Variants in RNF182 observed in about 807,000 individuals in gnomAD.
RNF182 encodes the protein E3 ubiquitin-protein ligase RNF182.
RNF182 carries 15 observed loss-of-function variants against 14.4 expected under a neutral mutation model. That is an observed-to-expected ratio of 1.04 (90% CI 0.70 to 1.60). The LOEUF is 1.60. Among genes scored for constraint, RNF182 ranks in the 40% most tolerant of loss-of-function variants. The pLI, the probability that RNF182 is intolerant of heterozygous loss-of-function variation, is 0.00. For missense variants in RNF182, 268 were observed against 294.8 expected (o/e 0.91, Z 0.67); for synonymous variants, 128 against 122.9 (o/e 1.04, Z -0.27).
chr6:13,979,005 A>G lies in RNF182; in HGVS notation c.*1142A>G, dbSNP rs542571225. ...GTCTAGACAAAGGGGTGGGCAAGAG[A>G]CATGCAAAGCTGAAGCCCTGCTTGA... On this transcript the variant is annotated 3_prime_UTR_variant, in exon 3 of 3. Coordinates refer to ENST00000488300, the MANE Select transcript of RNF182 (RefSeq NM_152737.4). 1 of 167,084 alleles carries G rather than the reference A, an allele frequency of 6.0e-6. No homozygotes were observed. Among genetic ancestry groups the G allele is most frequent in the Non-Finnish European group, 1.5e-5 (1 of 68,132 alleles). 10.4% of individuals were successfully genotyped at this position (167,084 alleles called of 1,614,324 possible). A position where few individuals can be genotyped will look rare whatever the true frequency, so the allele number is the denominator to read the frequency against.
intron 1 of RNF182, among the ~76,000 whole-genome samples, chr6:13,947,065 T>TA (rs1172856260): frequency 6.6e-6 from 1 of 152,136 alleles, no homozygotes; most frequent in African/African-American, 2.4e-5. Flanking sequence ...TAAAATTAAA[T>TA]AAGAGCTTTC....
Position 13,936,364 on chromosome 6 carries a change from A to C in RNF182, c.-367+11341A>C, listed in dbSNP as rs956709283. 2.0e-5 allele frequency among the ~76,000 whole-genome samples: 3 copies of C among 152,376 alleles called. No homozygotes were observed. The East Asian group carries it at 5.8e-4, about 29-fold the overall frequency. On this transcript the variant is annotated intron_variant, in intron 1 of 2. Coordinates refer to ENST00000488300, the MANE Select transcript of RNF182 (RefSeq NM_152737.4). ...GAGCTTTATGTCAACAATTGGACAC[A>C]TAATTAGGAGAAGCTTAAAGCATTT...
At chr6:13,928,213 T>A (rs993137386) in intron 1 of RNF182, among the ~76,000 whole-genome samples, 1 of 152,238 alleles carries the variant, frequency 6.6e-6, no homozygotes, top group Non-Finnish European at 1.5e-5. Flanking sequence ...GTATTGTACA[T>A]AATTTAAGTG....
chr6:13,950,820 A>G (rs1228701431), intron 1 of RNF182, among the ~76,000 whole-genome samples: 1 of 151,554 alleles, frequency 6.6e-6, no homozygotes, highest in African/African-American at 2.4e-5. Context: ...TTTTTGAGAT[A>G]GAGTCTTGTT....
At chr6:13,976,276 A>G (rs1243445405) in intron 2 of RNF182, among the ~76,000 whole-genome samples, 1 of 152,204 alleles carries the variant, frequency 6.6e-6, no homozygotes, top group African/African-American at 2.4e-5. Context: ...ATGTATATGC[A>G]CAGCTGTGGT....
At chr6:13,966,298 G>A (rs556834796) in intron 1 of RNF182, among the ~76,000 whole-genome samples, 11 of 152,272 alleles carry the variant, frequency 7.2e-5, no homozygotes, top group Admixed American at 7.2e-4. Flanking sequence ...TGAGATACAG[G>A]AAGATGACAG....
chr6:13,955,065 T>C (rs1398783747), intron 1 of RNF182, among the ~76,000 whole-genome samples: 3 of 152,194 alleles, frequency 2.0e-5, no homozygotes, highest in Non-Finnish European at 4.4e-5. Context: ...CATTGATAAT[T>C]ATTGTGTAGG....
intron 1 of RNF182, among the ~76,000 whole-genome samples, chr6:13,950,906 C>T (rs957475586): frequency 1.1e-4 from 17 of 152,152 alleles, no homozygotes; most frequent in African/African-American, 3.6e-4. Context: ...AAGTGATTCT[C>T]CTGCCTCAGC....
chr6:13,946,026 T>C (rs1362835391), intron 1 of RNF182, among the ~76,000 whole-genome samples: 2 of 152,042 alleles, frequency 1.3e-5, no homozygotes, highest in East Asian at 3.8e-4. Flanking sequence ...TATTTATATA[T>C]AACAAAGGAA....
Position 13,979,306 on chromosome 6 carries a change from A to G in RNF182, c.*1443A>G, listed in dbSNP as rs746277788. ...AGGCAAAAATTTAAAAAAACATTCT[A>G]GTCTCTAAAACCCATTACTAATGAT... On this transcript the variant is annotated 3_prime_UTR_variant, in exon 3 of 3. Coordinates refer to ENST00000488300, the MANE Select transcript of RNF182 (RefSeq NM_152737.4). 17 of 166,700 alleles carry G rather than the reference A, an allele frequency of 1.0e-4. No homozygotes were observed. Among genetic ancestry groups the G allele is most frequent in the Admixed American group, 7.8e-4 (12 of 15,294 alleles). The allele number at this position is 166,700 out of a possible 1,614,324, so 10.3% of individuals were successfully genotyped here.
chr6:13,958,370 G>A (rs1759782531), intron 1 of RNF182, among the ~76,000 whole-genome samples: 1 of 151,984 alleles, frequency 6.6e-6, no homozygotes, highest in South Asian at 2.1e-4. Flanking sequence ...TGGCAACAGA[G>A]CAAGACTCCA....
At chr6:13,954,223 T>C (rs1227688366) in intron 1 of RNF182, among the ~76,000 whole-genome samples, 2 of 152,224 alleles carry the variant, frequency 1.3e-5, no homozygotes, top group East Asian at 3.8e-4. Context: ...CTTCAAAACA[T>C]TGAAGAGACT....
intron 1 of RNF182, among the ~76,000 whole-genome samples, chr6:13,931,930 G>A (rs749138584): frequency 3.9e-5 from 6 of 152,144 alleles, no homozygotes; most frequent in Non-Finnish European, 7.4e-5. Context: ...TTATAAAAGA[G>A]ACCCCAGAGA....
At chr6:13,949,584 T>C in intron 1 of RNF182, 1 of 426,830 alleles carries the variant, frequency 2.3e-6, no homozygotes, top group South Asian at 2.7e-5. Flanking sequence ...AAAATGATGA[T>C]GTCCTTCTGG....
In RNF182 at chr6:13,979,156, A is replaced by G. The variant is rs1760429210; in HGVS notation, c.*1293A>G. The G allele has an allele frequency of 6.0e-6, 1 of 167,106 alleles. No homozygotes were observed. Among genetic ancestry groups the G allele is most frequent in the African/African-American group, 2.4e-5 (1 of 41,462 alleles). The allele number at this position is 167,106 out of a possible 1,614,324, so 10.4% of individuals were successfully genotyped here. On this transcript the variant is annotated 3_prime_UTR_variant, in exon 3 of 3. Coordinates refer to ENST00000488300, the MANE Select transcript of RNF182 (RefSeq NM_152737.4). ...TACACAATTTATTTTGAATACAAGC[A>G]TAATCTAGGTGATTTGAGTTAATGA...
intron 1 of RNF182, among the ~76,000 whole-genome samples, chr6:13,933,002 G>T (rs2113582028): frequency 6.6e-6 from 1 of 152,106 alleles, no homozygotes; most frequent in Admixed American, 6.5e-5. Flanking sequence ...TGCTGTCCGA[G>T]CATTTTTTAA....
rs752410878 is a variant in RNF182, at chr6:13,977,491, G to A, written c.372G>A (p.Thr124=). The A allele has an allele frequency of 1.1e-5, 18 of 1,613,988 alleles. No individual in the cohort carries two copies. The highest frequency in any genetic ancestry group is 2.2e-5 in the East Asian group (1 of 44,894). Residue 124 remains threonine, a synonymous_variant, in exon 3 of 3, where the codon ACG becomes ACA. Coordinates refer to ENST00000488300, the MANE Select transcript of RNF182 (RefSeq NM_152737.4). The stretch of plus-strand genomic sequence containing the variant: ...CCTCTCTGGTCAGTCCTTCTCACAC[G>A]TCCTCCAACTGCCTGGTCATAACCA... ...RLASLVSPSH[T]SSNCLVITIM...
At chr6:13,955,149 C>T (rs1159576769) in intron 1 of RNF182, among the ~76,000 whole-genome samples, 1 of 152,174 alleles carries the variant, frequency 6.6e-6, no homozygotes, top group Non-Finnish European at 1.5e-5. Flanking sequence ...AATATGGTCT[C>T]TGTCATTGTA....
At chr6:13,939,576 C>G (rs1366020952) in intron 1 of RNF182, among the ~76,000 whole-genome samples, 2 of 151,874 alleles carry the variant, frequency 1.3e-5, no homozygotes, top group Non-Finnish European at 2.9e-5. Context: ...CAGAGTCTCT[C>G]TCTGTTGCCC....
Sources: gnomAD v4.1 joint callset for allele counts (sites outside exome capture counted in the v4.1 genomes callset) on GRCh38, gnomAD v4.1.1 for gene constraint, MANE v1.5 for transcripts, NCBI Gene and HGNC (gene_info 2026-07-23, HGNC 2026-07-21) for gene names.